MPDZ: variants seen among roughly 807,000 people sequenced by gnomAD.
MPDZ encodes the protein multiple PDZ domain protein.
A neutral mutation model predicts 239.1 loss-of-function variants in MPDZ; 234 were observed. The observed-to-expected ratio is 0.98, with a 90% CI of 0.88 to 1.09. MPDZ has a LOEUF of 1.09. MPDZ is among the 50% of genes least tolerant of loss of function. MPDZ has a pLI of 0.00. For missense variants in MPDZ, 3,175 were observed against 2,510.0 expected (o/e 1.26, Z -5.66); for synonymous variants, 1,048 against 881.3 (o/e 1.19, Z -3.35).
intron 46 of MPDZ, 136 bp downstream of exon 46, chr9:13,108,800 G>A (rs1252322083): frequency 3.7e-6 from 3 of 803,818 alleles, no homozygotes; most frequent in Admixed American, 3.7e-5. Flanking sequence ...ACCTGTTCCT[G>A]TAGGGAGTTT....
rs1946379707 is a variant in MPDZ at position 13,133,918 on chromosome 9, A to G, written c.4384-14T>C. 2.7e-6 allele frequency: 4 copies of G among 1,464,770 alleles called. No homozygotes were observed. The highest frequency in any genetic ancestry group is 3.7e-6 in the Non-Finnish European group (4 of 1,092,270). The allele number at this position is 1,464,770 out of a possible 1,614,324, so 90.7% of individuals were successfully genotyped here. A position where few individuals can be genotyped will look rare whatever the true frequency, so the allele number is the denominator to read the frequency against. On this transcript the variant is annotated splice_polypyrimidine_tract_variant and intron_variant, in intron 31 of 46. Coordinates refer to ENST00000319217, the MANE Select transcript of MPDZ (RefSeq NM_001378778.1). ...AGTTGGCTCTGTCTGACAGAGGGAA[A>G]GAAATGACAAAAAGAGCAACTGAGT...
In MPDZ at chr9:13,136,119, A is replaced by G; in HGVS notation, c.4356T>C (p.Ser1452=). 1 of 1,612,466 alleles carries G rather than the reference A, an allele frequency of 6.2e-7. No homozygotes were observed. ...CPGNAVEPLP[S]NSENLQNKET... ...CCTTATTTTGAAGATTTTCTGAGTT[A>G]GAAGGCAAAGGTTCTACTGCATTTC... Residue 1452 remains serine (S), a synonymous_variant, in exon 31 of 47, where the codon TCT becomes TCC. Transcript: ENST00000319217.
chr9:13,245,480 T>C (rs529120528), intron 3 of MPDZ, among the ~76,000 whole-genome samples: 187 of 151,824 alleles, frequency 1.2e-3, no homozygotes, highest in Non-Finnish European at 2.4e-3. Context: ...AGTTCTACTC[T>C]ACTCTTATAA....
At chr9:13,110,106 T>C (rs1342603149) in intron 44 of MPDZ, 42 bp from the exon 45 acceptor site, 1 of 1,454,300 alleles carries the variant, frequency 6.9e-7, no homozygotes, top group Non-Finnish European at 9.5e-7. Context: ...CACATGTTCC[T>C]GTGGCTAGGG....
At chr9:13,267,752 G>C (rs1160372592) in intron 1 of MPDZ, among the ~76,000 whole-genome samples, 1 of 152,182 alleles carries the variant, frequency 6.6e-6, no homozygotes, top group East Asian at 1.9e-4. Context: ...AGGGAGAAGG[G>C]ATGGAAAGAT....
chr9:13,133,861 C>A lies in MPDZ; in HGVS notation c.4427G>T (p.Ser1476Ile). ...CAGATGTTGCACATTTTTAAATGAACTGAGGTCCACAGCTGCATCAGAAGT... is the reference window on the plus strand; with the variant it reads ...CAGATGTTGCACATTTTTAAATGAAATGAGGTCCACAGCTGCATCAGAAGT... Reference protein sequence around the residue: ...VTTSDAAVDLSSFKNVQHLEL... With the variant: ...VTTSDAAVDLISFKNVQHLEL... Residue 1476 changes from serine (S) to isoleucine (I), a missense_variant, in exon 32 of 47, where the codon AGT (serine) becomes ATT (isoleucine). Coordinates refer to ENST00000319217, the MANE Select transcript of MPDZ (RefSeq NM_001378778.1). 1 of 1,606,548 alleles carries A rather than the reference C, an allele frequency of 6.2e-7. No individual in the cohort carries two copies. Among genetic ancestry groups the A allele is most frequent in the South Asian group, 1.1e-5 (1 of 90,014 alleles).
In MPDZ at chr9:13,183,391, A is replaced by G. The variant is rs769013245; in HGVS notation, c.2649+27T>C. On this transcript the variant is annotated intron_variant, in intron 19 of 46. Transcript: ENST00000319217. ...AAATTACACACAAGACTTTCCTATA[A>G]AAGAAAAATTGGCTTTTCCTTTGTA... 4.5e-6 allele frequency: 7 copies of G among 1,571,746 alleles called. No homozygotes were observed. In the Admixed American group the frequency reaches 7.9e-5, roughly 18 times the overall value.
rs373585889 is a variant in MPDZ, at chr9:13,186,336, G to A, written c.2415C>T (p.Tyr805=). Residue 805 remains tyrosine (Y), a synonymous_variant, in exon 18 of 47, where the codon TAC becomes TAT. Transcript: ENST00000319217. ...CTGCTTCCTCACAGGAGTGTGGTGG[G>A]TAGAGAAAGGAATCCTCCTTAGCAG... is the stretch of plus-strand genomic sequence containing the variant. The part of the protein sequence containing the change: ...YVSAKEDSFL[Y]PPHSCEEAGL... The A allele has an allele frequency of 1.7e-5, 27 of 1,593,820 alleles. No homozygotes were observed. In the African/African-American group the frequency reaches 3.0e-4, roughly 17 times the overall value.
At chr9:13,160,056 T>A (rs1353999041) in intron 23 of MPDZ, among the ~76,000 whole-genome samples, 1 of 152,100 alleles carries the variant, frequency 6.6e-6, no homozygotes, top group Non-Finnish European at 1.5e-5. Flanking sequence ...GAAAGACACA[T>A]GATGAGAAAG....
intron 1 of MPDZ, among the ~76,000 whole-genome samples, chr9:13,270,530 A>G (rs1377201131): frequency 2.0e-5 from 3 of 152,154 alleles, no homozygotes; most frequent in Non-Finnish European, 4.4e-5. Context: ...AGACATGGGT[A>G]AAAGACATGG....
chr9:13,215,383 T>C (rs1311457104), intron 10 of MPDZ, among the ~76,000 whole-genome samples: 1 of 151,322 alleles, frequency 6.6e-6, no homozygotes, highest in East Asian at 1.9e-4. Context: ...TATATAGCAA[T>C]ATGTGTCTAT....
chr9:13,169,548 C>T (rs1180907415), intron 21 of MPDZ, among the ~76,000 whole-genome samples: 1 of 152,090 alleles, frequency 6.6e-6, no homozygotes, highest in African/African-American at 2.4e-5. Flanking sequence ...AAGGCAACAC[C>T]TTCTCTTGCC....
chr9:13,274,828 T>C (rs946657153), intron 1 of MPDZ, among the ~76,000 whole-genome samples: 11 of 152,138 alleles, frequency 7.2e-5, no homozygotes, highest in African/African-American at 2.4e-4. Flanking sequence ...CTGAGACATT[T>C]ACAACACAGT....
intron 39 of MPDZ, among the ~76,000 whole-genome samples, chr9:13,116,701 T>C (rs944904812): frequency 6.6e-6 from 1 of 152,158 alleles, no homozygotes; most frequent in African/African-American, 2.4e-5. Flanking sequence ...CTCTTTCAAA[T>C]ATCAAGGGTT....
At position 13,224,425 on chromosome 9, in the gene MPDZ, A is replaced by C; in HGVS notation, c.342T>G (p.Asn114Lys). Residue 114 changes from asparagine to lysine, a missense_variant, in exon 4 of 47, where the codon AAT (asparagine) becomes AAG (lysine). Transcript: ENST00000319217. ...ALTGPGIPHI[N>K]GKPACDEFDQ... ...CAAATTCATCACAAGCAGGTTTCCC[A>C]TTAATGTGTGGAATACCAGGTCCTG... 6.2e-7 allele frequency: 1 copy of C among 1,612,920 alleles called. No individual in the cohort carries two copies. Among genetic ancestry groups the C allele is most frequent in the Admixed American group, 1.7e-5 (1 of 59,876 alleles).
intron 19 of MPDZ, among the ~76,000 whole-genome samples, chr9:13,182,636 G>A (rs1953508497): frequency 6.6e-6 from 1 of 151,968 alleles, no homozygotes; most frequent in African/African-American, 2.4e-5. Context: ...GATCTTTGAT[G>A]AAAAGTGAAA....
At chr9:13,200,748 G>A (rs2135463875) in intron 12 of MPDZ, among the ~76,000 whole-genome samples, 1 of 151,858 alleles carries the variant, frequency 6.6e-6, no homozygotes, top group Admixed American at 6.6e-5. Flanking sequence ...TTGATATCTA[G>A]TTTTATTCCA....
chr9:13,193,041 T>C (rs1405616328), intron 14 of MPDZ, 126 bp downstream of exon 14: 18 of 905,764 alleles, frequency 2.0e-5, no homozygotes, highest in Non-Finnish European at 2.7e-5. Flanking sequence ...TGTTTTTATC[T>C]GTAGATTTCT....
chr9:13,195,099 G>A (rs1587696725), intron 13 of MPDZ, among the ~76,000 whole-genome samples: 1 of 151,954 alleles, frequency 6.6e-6, no homozygotes. Context: ...ACCAGCCTGG[G>A]CAACATGGCA....
Sources: allele counts gnomAD v4.1 joint callset (sites outside exome capture counted in the v4.1 genomes callset), GRCh38; gene constraint gnomAD v4.1.1; transcripts MANE v1.5; gene names NCBI Gene and HGNC (gene_info 2026-07-23, HGNC 2026-07-21).